Variants in EGLN1 observed in about 807,000 individuals in gnomAD.
EGLN1 encodes egl nine homolog 1.
EGLN1 carries 17 observed loss-of-function variants against 38.3 expected under a neutral mutation model. The ratio of observed to expected loss-of-function variants is 0.44; its 90% CI spans 0.30 to 0.67. The LOEUF is 0.67. Among genes scored for constraint, EGLN1 ranks in the 30% least tolerant of loss-of-function variants. The pLI is 0.08. For synonymous variants in EGLN1, 283 were observed against 257.5 expected, an observed-to-expected ratio of 1.10 and a Z score of -0.95; for missense variants, 477 against 603.3, an observed-to-expected ratio of 0.79 and a Z score of 2.19.
At chr1:231,398,634 T>A (rs989472659) in intron 1 of EGLN1, among the ~76,000 whole-genome samples, 4 of 152,220 alleles carry the variant, frequency 2.6e-5, no homozygotes, top group African/African-American at 7.2e-5. Context: ...GGGTAAAGAA[T>A]CTCCTAATAT....
At chr1:231,368,613 C>T (rs16854120) in intron 3 of EGLN1, among the ~76,000 whole-genome samples, 6,237 of 152,212 alleles carry the variant, frequency 0.041, 324 homozygotes, top group African/African-American at 0.12. Flanking sequence ...AGTGAAAGTA[C>T]GCTACAAATC....
chr1:231,411,220 TTCTCATGAGA>T (rs1255052376), intron 1 of EGLN1, among the ~76,000 whole-genome samples: 1 of 152,074 alleles, frequency 6.6e-6, no homozygotes, highest in Non-Finnish European at 1.5e-5. Context: ...TGATAGTGAG[TTCTCATGAGA>T]TCTTATGTTA....
chr1:231,406,165 C>CAAAACAAAAAAA (rs1313715220), intron 1 of EGLN1, among the ~76,000 whole-genome samples: 10 of 139,090 alleles, frequency 7.2e-5, no homozygotes, highest in Non-Finnish European at 1.4e-4. Context: ...GACTCCGTCT[C>CAAAACAAAAAAA]AAAAAAAAAA....
At chr1:231,409,709 GAA>G (rs1482037733) in intron 1 of EGLN1, among the ~76,000 whole-genome samples, 13 of 152,140 alleles carry the variant, frequency 8.5e-5, no homozygotes. Flanking sequence ...CCTAATAGCT[GAA>G]GTCATGATTG....
At chr1:231,378,531 A>G (rs1688009976) in intron 1 of EGLN1, among the ~76,000 whole-genome samples, 1 of 152,148 alleles carries the variant, frequency 6.6e-6, no homozygotes. Flanking sequence ...CCTGGGCTCA[A>G]GCAATCTGCC....
chr1:231,379,245 C>A (rs796152909), intron 1 of EGLN1, among the ~76,000 whole-genome samples: 9 of 152,284 alleles, frequency 5.9e-5, no homozygotes, highest in African/African-American at 2.2e-4. Flanking sequence ...AGCGGCCCAC[C>A]ACCTGCTGCA....
intron 1 of EGLN1, among the ~76,000 whole-genome samples, chr1:231,375,446 T>C (rs375863009): frequency 6.7e-4 from 102 of 152,344 alleles, no homozygotes; most frequent in African/African-American, 2.3e-3. Context: ...AACCGAATTG[T>C]TCTACTATCA....
At chr1:231,415,148 C>T (rs375126707) in intron 1 of EGLN1, among the ~76,000 whole-genome samples, 1 of 151,990 alleles carries the variant, frequency 6.6e-6, no homozygotes, top group African/African-American at 2.4e-5. Context: ...TGACACATGC[C>T]TGTAGTCCCA....
Position 231,379,841 on chromosome 1 carries a change from GAAT to G in EGLN1, c.892-5745_892-5743del, listed in dbSNP as rs140137336. ...CATTATAACAAAACGACACTGAACA[GAAT>G]AATGTTATTCAAGAACCTGCTGTAC... On this transcript the variant is annotated intron_variant, in intron 1 of 4. Coordinates refer to ENST00000366641, the MANE Select transcript of EGLN1 (RefSeq NM_022051.3). 8.0e-3 allele frequency among the ~76,000 whole-genome samples: 1,219 copies of G among 152,286 alleles called. 19 individuals carry two copies. Among genetic ancestry groups the G allele is most frequent in the African/African-American group, 0.028 (1,155 of 41,536 alleles).
intron 1 of EGLN1, among the ~76,000 whole-genome samples, chr1:231,408,442 T>C (rs1688848619): frequency 1.3e-5 from 2 of 152,168 alleles, no homozygotes; most frequent in Admixed American, 1.3e-4. Context: ...AATCAAATTG[T>C]ATCCTTAGCA....
At chr1:231,409,986 CA>C (rs1165125505) in intron 1 of EGLN1, among the ~76,000 whole-genome samples, 1 of 151,894 alleles carries the variant, frequency 6.6e-6, no homozygotes, top group African/African-American at 2.4e-5. Flanking sequence ...TAAGATAACC[CA>C]GGGGGAAAAA....
intron 1 of EGLN1, among the ~76,000 whole-genome samples, chr1:231,394,513 G>C (rs1688470376): frequency 6.6e-6 from 1 of 150,702 alleles, no homozygotes; most frequent in African/African-American, 2.4e-5. Context: ...CGAGTAGCTG[G>C]GACTACAGGC....
At chr1:231,412,748 T>C (rs1250026559) in intron 1 of EGLN1, among the ~76,000 whole-genome samples, 1 of 152,204 alleles carries the variant, frequency 6.6e-6, no homozygotes, top group Non-Finnish European at 1.5e-5. Context: ...ATAACTTTTT[T>C]CTTGTTGCTT....
chr1:231,387,380 G>A (rs1311982515), intron 1 of EGLN1, among the ~76,000 whole-genome samples: 1 of 111,416 alleles, frequency 9.0e-6, no homozygotes, highest in Admixed American at 9.8e-5. Flanking sequence ...TTTTTTTTGT[G>A]ACGGCGTCTC....
chr1:231,397,870 A>G (rs1558390130), intron 1 of EGLN1, among the ~76,000 whole-genome samples: 1 of 152,236 alleles, frequency 6.6e-6, no homozygotes. Flanking sequence ...GTGAAATCTG[A>G]AAGGCTGAGA....
intron 1 of EGLN1, among the ~76,000 whole-genome samples, chr1:231,400,208 G>T (rs535802865): frequency 1.3e-5 from 2 of 152,012 alleles, no homozygotes; most frequent in Non-Finnish European, 2.9e-5. Context: ...TAACAATGGA[G>T]AGTATGCCCT....
intron 1 of EGLN1, among the ~76,000 whole-genome samples, chr1:231,407,031 T>C (rs1205811018): frequency 1.3e-5 from 2 of 152,196 alleles, no homozygotes; most frequent in Non-Finnish European, 2.9e-5. Flanking sequence ...CTTAGGCTAC[T>C]TTCCTTACCA....
At chr1:231,396,034 AAAAAG>A (rs1366311060) in intron 1 of EGLN1, among the ~76,000 whole-genome samples, 1 of 144,544 alleles carries the variant, frequency 6.9e-6, no homozygotes, top group African/African-American at 2.5e-5. Context: ...CCACTCCTTT[AAAAAG>A]AAAAAAAAAA....
intron 1 of EGLN1, among the ~76,000 whole-genome samples, chr1:231,381,019 A>G (rs570451633): frequency 3.3e-5 from 5 of 152,120 alleles, no homozygotes; most frequent in Non-Finnish European, 5.9e-5. Flanking sequence ...ATCTGGGATC[A>G]AGCAATCCTC....
Sources: gnomAD v4.1 joint callset for allele counts (sites outside exome capture counted in the v4.1 genomes callset) on GRCh38, gnomAD v4.1.1 for gene constraint, MANE v1.5 for transcripts, NCBI Gene and HGNC (gene_info 2026-07-23, HGNC 2026-07-21) for gene names.